The following RP1 variants were observed in gnomAD, a reference collection of about 807,000 sequenced individuals.
The protein encoded by RP1 is RP1 axonemal microtubule associated, also known as oxygen-regulated protein 1.
In RP1, 16 loss-of-function variants were observed where a neutral mutation model predicts 14.8. The ratio of observed to expected loss-of-function variants is 1.08; its 90% confidence interval spans 0.73 to 1.65. The LOEUF is 1.65. RP1 is among the 40% of genes most tolerant of loss of function. The pLI, the probability that RP1 is intolerant of heterozygous loss-of-function variation, is 0.00. For synonymous variants in RP1, 876 were observed against 883.6 expected (o/e 0.99, Z 0.15); for missense variants, 2,631 against 2,535.0 (o/e 1.04, Z -0.81).
intron 24 of RP1, among the ~76,000 whole-genome samples, chr8:54,803,468 C>T (rs1810763500): frequency 1.3e-5 from 2 of 152,140 alleles, no homozygotes; most frequent in Admixed American, 6.6e-5. Context: ...ACTGTGAAGA[C>T]TCCCCTAAGA....
intron 24 of RP1, among the ~76,000 whole-genome samples, chr8:54,806,092 C>T (rs967482987): frequency 6.6e-6 from 1 of 152,134 alleles, no homozygotes; most frequent in Non-Finnish European, 1.5e-5. Flanking sequence ...AATCTCGGCT[C>T]ACTGCAACCT....
chr8:54,635,851 C>T (rs1288858996), intron 3 of RP1, among the ~76,000 whole-genome samples: 6 of 152,114 alleles, frequency 3.9e-5, no homozygotes, highest in African/African-American at 1.2e-4. Context: ...CCATCTACAA[C>T]CCCCACAAGA....
intron 12 of RP1, among the ~76,000 whole-genome samples, chr8:54,693,198 C>T (rs1228075648): frequency 6.6e-6 from 1 of 152,162 alleles, no homozygotes; most frequent in South Asian, 2.1e-4. Flanking sequence ...GGTACCATTA[C>T]CATGCCGTTT....
In RP1 at chr8:54,746,172, T is replaced by G. The variant is rs1026156062; in HGVS notation, c.2808+7143T>G. On this transcript the variant is annotated intron_variant, in intron 19 of 22. Coordinates refer to the RP1 transcript ENST00000636932. ...AATGCAAGCACTTATGGAATGCTTTTTTTTGGGGGAAGCCGTTGTTTCTAA... is the reference window on the plus strand; with the variant it reads ...AATGCAAGCACTTATGGAATGCTTTGTTTTGGGGGAAGCCGTTGTTTCTAA... 2.6e-5 allele frequency among the ~76,000 whole-genome samples: 4 copies of G among 152,338 alleles called. 1 individual carries two copies. The South Asian group carries it at 8.3e-4, about 32-fold the overall frequency.
chr8:54,857,704 T>C (rs1302465575), intron 27 of RP1, among the ~76,000 whole-genome samples: 1 of 152,130 alleles, frequency 6.6e-6, no homozygotes, highest in Non-Finnish European at 1.5e-5. Flanking sequence ...CAGTTGCATG[T>C]CTGTTGTGTC....
intron 1 of RP1, among the ~76,000 whole-genome samples, chr8:54,609,841 T>A (rs1805550025): frequency 6.6e-6 from 1 of 152,116 alleles, no homozygotes; most frequent in Admixed American, 6.5e-5. Flanking sequence ...TTATATTCCA[T>A]CTCCCTGTTA....
At chr8:54,798,915 A>G (rs886686022) in intron 24 of RP1, among the ~76,000 whole-genome samples, 2 of 152,060 alleles carry the variant, frequency 1.3e-5, no homozygotes, top group Non-Finnish European at 2.9e-5. Flanking sequence ...TAACATATAC[A>G]ATATTTGTTA....
chr8:54,720,784 G>T (rs1320994017), intron 16 of RP1, among the ~76,000 whole-genome samples: 1 of 152,168 alleles, frequency 6.6e-6, no homozygotes, highest in African/African-American at 2.4e-5. Flanking sequence ...TGAATATTTT[G>T]AAACTGGTTT....
intron 12 of RP1, among the ~76,000 whole-genome samples, chr8:54,681,511 TG>T (rs1204866084): frequency 0.022 from 3,303 of 151,852 alleles, 136 homozygotes; most frequent in African/African-American, 0.075. Flanking sequence ...TGTGTGTGTG[TG>T]TGTGTGTGTG....
At chr8:54,775,614 G>T (rs13276543) in intron 23 of RP1, among the ~76,000 whole-genome samples, 41,966 of 151,888 alleles carry the variant, frequency 0.28, 6,051 homozygotes, top group South Asian at 0.37. Context: ...AACTGCCCCA[G>T]TTGACACTAT....
intron 27 of RP1, among the ~76,000 whole-genome samples, chr8:54,861,530 C>T (rs1812342636): frequency 6.6e-6 from 1 of 152,220 alleles, no homozygotes; most frequent in African/African-American, 2.4e-5. Context: ...CTGTCCATCT[C>T]TTGTTAATGC....
chr8:54,668,862 T>G (rs950449328), intron 7 of RP1, among the ~76,000 whole-genome samples: 2 of 152,144 alleles, frequency 1.3e-5, no homozygotes, highest in Admixed American at 1.3e-4. Context: ...CCTTACACCT[T>G]ATACAAAAAT....
chr8:54,804,616 C>A (rs1810801540), intron 24 of RP1, among the ~76,000 whole-genome samples: 1 of 151,722 alleles, frequency 6.6e-6, no homozygotes, highest in Admixed American at 6.6e-5. Flanking sequence ...GGTTACAATT[C>A]TGACAACAAA....
At chr8:54,685,071 G>T (rs1441132065) in intron 12 of RP1, among the ~76,000 whole-genome samples, 1 of 152,090 alleles carries the variant, frequency 6.6e-6, no homozygotes, top group Non-Finnish European at 1.5e-5. Flanking sequence ...GATAGGTGCA[G>T]CAGTCTGTCT....
intron 7 of RP1, among the ~76,000 whole-genome samples, chr8:54,672,880 T>C (rs1807209254): frequency 6.6e-6 from 1 of 152,214 alleles, no homozygotes; most frequent in South Asian, 2.1e-4. Context: ...TAGAGTTCTC[T>C]ATATTGATTA....
At chr8:54,726,378 C>T in exon 17 of RP1, 1 of 1,533,078 alleles carries the variant, frequency 6.5e-7, no homozygotes, top group Non-Finnish European at 8.7e-7. Context: ...ATGTCTGCAA[C>T]ACCCAGCCAA....
At chr8:54,587,442 A>AT (rs1554516913) in intron 1 of RP1, among the ~76,000 whole-genome samples, 2 of 151,318 alleles carry the variant, frequency 1.3e-5, no homozygotes, top group African/African-American at 4.9e-5. Context: ...AAAAAAAAAA[A>AT]AGAGAGAGAG....
At position 54,626,265 on chromosome 8, in the gene RP1, A is replaced by T; in HGVS notation, c.2383A>T (p.Ile795Phe). The T allele has an allele frequency of 6.2e-7, 1 of 1,613,416 alleles. No individual in the cohort carries two copies. The highest frequency in any genetic ancestry group is 8.5e-7 in the Non-Finnish European group (1 of 1,179,682). Residue 795 changes from isoleucine to phenylalanine, a missense_variant, in exon 4 of 4, where the codon ATC (isoleucine) becomes TTC (phenylalanine). Ile to Phe is a conservative substitution (Grantham distance 21). Transcript: ENST00000220676. Reference sequence around the variant, plus strand: ...CTTAGGAGCACCTAAAAAAAGAGAAATCGGTCAAAGAGATAAAGTGTTTCC... The same window carrying T: ...CTTAGGAGCACCTAAAAAAAGAGAATTCGGTCAAAGAGATAAAGTGTTTCC... ...ISLGAPKKREIGQRDKVFPHN... is the reference protein window; with the variant it reads ...ISLGAPKKREFGQRDKVFPHN...
chr8:54,813,212 A>C (rs542262706), intron 24 of RP1, among the ~76,000 whole-genome samples: 6 of 152,336 alleles, frequency 3.9e-5, no homozygotes, highest in South Asian at 4.1e-4. Context: ...GTTCCCATGG[A>C]ATACTTTTCA....
Sources: gnomAD v4.1 joint callset for allele counts (sites outside exome capture counted in the v4.1 genomes callset) on GRCh38, gnomAD v4.1.1 for gene constraint, MANE v1.5 for transcripts, NCBI Gene and HGNC (gene_info 2026-07-23, HGNC 2026-07-21) for gene names.